The following RBFOX1 variants were observed in gnomAD, a reference collection of about 807,000 sequenced individuals.
RBFOX1 encodes the protein RNA binding fox-1 homolog 1.
Under a neutral mutation model 57.7 loss-of-function variants are expected in RBFOX1, and 8 were observed. That is an observed-to-expected ratio of 0.14 (90% CI 0.08 to 0.25). The LOEUF (loss-of-function observed/expected upper bound fraction) is 0.25, where lower values mean the gene tolerates loss of function less well. RBFOX1 is among the 10% of genes least tolerant of loss of function. The pLI, the probability that RBFOX1 is intolerant of heterozygous loss-of-function variation, is 1.00. For synonymous variants in RBFOX1, 326 were observed against 222.4 expected (o/e 1.47, Z -4.15); for missense variants, 611 against 548.5 (o/e 1.11, Z -1.14).
intron 7 of RBFOX1, among the ~76,000 whole-genome samples, chr16:7,594,378 A>G (rs2094586086): frequency 6.6e-6 from 1 of 152,198 alleles, no homozygotes; most frequent in South Asian, 2.1e-4. Flanking sequence ...ATATTGCATG[A>G]TTTCACCCAG....
chr16:6,405,258 G>T (rs557852318), intron 2 of RBFOX1, among the ~76,000 whole-genome samples: 32 of 152,282 alleles, frequency 2.1e-4, no homozygotes, highest in African/African-American at 7.5e-4. Context: ...GTTTTGAGAT[G>T]GGCTGCAAAT....
chr16:6,969,957 A>T (rs2153566618), intron 3 of RBFOX1, among the ~76,000 whole-genome samples: 1 of 152,164 alleles, frequency 6.6e-6, no homozygotes, highest in South Asian at 2.1e-4. Flanking sequence ...CACAATAAGG[A>T]CACGTGTTAT....
intron 5 of RBFOX1, among the ~76,000 whole-genome samples, chr16:7,549,655 A>G (rs1348658315): frequency 1.3e-5 from 2 of 152,186 alleles, no homozygotes; most frequent in African/African-American, 2.4e-5. Flanking sequence ...GTTCAAGGGC[A>G]GGAAGCATGC....
chr16:6,165,861 G>T (rs2152754073), intron 1 of RBFOX1, among the ~76,000 whole-genome samples: 1 of 152,310 alleles, frequency 6.6e-6, no homozygotes, highest in South Asian at 2.1e-4. Context: ...AAGGGAAAAG[G>T]AGAGGCAAAT....
intron 4 of RBFOX1, among the ~76,000 whole-genome samples, chr16:5,909,735 G>C (rs547733747): frequency 6.6e-5 from 10 of 152,142 alleles, no homozygotes; most frequent in Non-Finnish European, 1.2e-4. Context: ...CCCAGCCCTG[G>C]TAAGATGTCA....
At chr16:5,540,795 G>C (rs1020988301) in intron 2 of RBFOX1, among the ~76,000 whole-genome samples, 2 of 152,190 alleles carry the variant, frequency 1.3e-5, no homozygotes, top group African/African-American at 2.4e-5. Context: ...TTGGAGTGCA[G>C]AATCTCAGCT....
chr16:5,649,861 C>T (rs1158066226), intron 3 of RBFOX1, among the ~76,000 whole-genome samples: 1 of 152,132 alleles, frequency 6.6e-6, no homozygotes, highest in South Asian at 2.1e-4. Flanking sequence ...TTGAGCTGAG[C>T]TTGTTAGTCC....
At chr16:6,962,013 A>G (rs1176576180) in intron 3 of RBFOX1, among the ~76,000 whole-genome samples, 1 of 152,068 alleles carries the variant, frequency 6.6e-6, no homozygotes, top group Non-Finnish European at 1.5e-5. Context: ...TCTCAGCCTC[A>G]TTTTACCCAG....
At chr16:6,895,000 A>G (rs1379826371) in intron 3 of RBFOX1, among the ~76,000 whole-genome samples, 2 of 152,284 alleles carry the variant, frequency 1.3e-5, no homozygotes, top group East Asian at 1.9e-4. Context: ...GAAAATTACC[A>G]CTAAACAACG....
chr16:5,920,256 G>A (rs1020503309), intron 4 of RBFOX1, among the ~76,000 whole-genome samples: 9 of 152,180 alleles, frequency 5.9e-5, no homozygotes, highest in Admixed American at 5.2e-4. Flanking sequence ...CCTTTCTGTA[G>A]AAGGAAGTAC....
chr16:6,343,767 T>C (rs1275605368), intron 2 of RBFOX1, among the ~76,000 whole-genome samples: 1 of 152,244 alleles, frequency 6.6e-6, no homozygotes, highest in Non-Finnish European at 1.5e-5. Flanking sequence ...GAATCAGTCG[T>C]CTTTCTCAGT....
chr16:5,255,477 C>T (rs2062569917), intron 1 of RBFOX1, among the ~76,000 whole-genome samples: 1 of 151,344 alleles, frequency 6.6e-6, no homozygotes, highest in Non-Finnish European at 1.5e-5. Context: ...AGCTATCATC[C>T]ACCTAACCAC....
intron 4 of RBFOX1, among the ~76,000 whole-genome samples, chr16:7,411,854 G>T (rs1468484633): frequency 7.3e-6 from 1 of 136,878 alleles, no homozygotes; most frequent in East Asian, 2.3e-4. Flanking sequence ...GGTGAGCCAA[G>T]ATCATGCCAT....
At chr16:6,499,032 A>C (rs1000764176) in intron 2 of RBFOX1, among the ~76,000 whole-genome samples, 1 of 152,224 alleles carries the variant, frequency 6.6e-6, no homozygotes, top group Non-Finnish European at 1.5e-5. Context: ...ATTGTGTGAC[A>C]GGTTAGTAAT....
intron 3 of RBFOX1, among the ~76,000 whole-genome samples, chr16:6,925,107 T>TA (rs1567907278): frequency 5.5e-5 from 7 of 127,784 alleles, no homozygotes; most frequent in African/African-American, 1.8e-4. Flanking sequence ...TCTAGGTTGT[T>TA]GGTTTTTTTT....
chr16:6,178,275 C>G (rs1471589054), intron 1 of RBFOX1, among the ~76,000 whole-genome samples: 1 of 134,872 alleles, frequency 7.4e-6, no homozygotes, highest in African/African-American at 2.8e-5. Context: ...CAACCTCTGT[C>G]TCCCAGGTTC....
In RBFOX1 at chr16:7,138,292, A is replaced by G. The variant is rs58691092; in HGVS notation, c.27+86194A>G. 9.0e-3 allele frequency among the ~76,000 whole-genome samples: 1,375 copies of G among 152,308 alleles called. 36 individuals carry two copies. Among genetic ancestry groups the G allele is most frequent in the African/African-American group, 0.031 (1,275 of 41,568 alleles). ...AAGGGAGAAAAATAAGAGGCCACAC[A>G]TGAGATCTTCAGCAACATGACTCAT... On this transcript the variant is annotated intron_variant, in intron 4 of 15. Coordinates refer to ENST00000550418, the MANE Select transcript of RBFOX1 (RefSeq NM_018723.4).
chr16:5,837,477 C>T (rs2056497024), intron 3 of RBFOX1, among the ~76,000 whole-genome samples: 2 of 152,210 alleles, frequency 1.3e-5, no homozygotes, highest in African/African-American at 2.4e-5. Context: ...CAACGACTCT[C>T]AGCCACCCTC....
chr16:7,019,789 C>T (rs1446252245), intron 3 of RBFOX1, among the ~76,000 whole-genome samples: 1 of 152,142 alleles, frequency 6.6e-6, no homozygotes, highest in Non-Finnish European at 1.5e-5. Context: ...CAAGGAAATA[C>T]CCACGCCCCA....
Sources: allele counts gnomAD v4.1 joint callset (sites outside exome capture counted in the v4.1 genomes callset), GRCh38; gene constraint gnomAD v4.1.1; transcripts MANE v1.5; gene names NCBI Gene and HGNC (gene_info 2026-07-23, HGNC 2026-07-21).